Variants in LGALS4 observed in about 807,000 individuals in gnomAD.
The protein encoded by LGALS4 is galectin-4.
A neutral mutation model predicts 39.6 loss-of-function variants in LGALS4; 37 were observed. That is an observed-to-expected ratio of 0.93 (90% CI 0.72 to 1.23). The LOEUF (loss-of-function observed/expected upper bound fraction) is 1.23, where lower values mean the gene tolerates loss of function less well. Among genes scored for constraint, LGALS4 ranks in the 50% most tolerant of loss-of-function variants. The pLI is 0.00. For missense variants in LGALS4, 397 were observed against 433.2 expected (o/e 0.92, Z 0.74); for synonymous variants, 160 against 165.5 (o/e 0.97, Z 0.25).
intron 4 of LGALS4, among the ~76,000 whole-genome samples, chr19:38,805,210 T>C (rs1290887572): frequency 7.3e-6 from 1 of 137,824 alleles, no homozygotes; most frequent in Non-Finnish European, 1.6e-5. Flanking sequence ...AATAATAATA[T>C]TGATAAACTC....
Position 38,811,680 on chromosome 19 carries a change from T to C in LGALS4, c.134+751A>G, listed in dbSNP as rs201285278. 1.5e-4 allele frequency among the ~76,000 whole-genome samples: 22 copies of C among 151,054 alleles called. No individual in the cohort carries two copies. The East Asian group carries it at 4.1e-3, about 28-fold the overall frequency. On this transcript the variant is annotated intron_variant, in intron 2 of 9. Transcript: ENST00000307751. ...ATCTCTAAGGAAAAAAAAAGTCCTA[T>C]GAGGCCAATCATTATCAACGTGTTA...
chr19:38,808,585 CTG>C (rs1971450498), intron 3 of LGALS4, among the ~76,000 whole-genome samples, 157 bp downstream of exon 3: 1 of 142,662 alleles, frequency 7.0e-6, no homozygotes, highest in African/African-American at 2.6e-5. Flanking sequence ...GATCATGCCA[CTG>C]CACTCCAGCC....
At chr19:38,809,250 G>C (rs1328371465) in intron 2 of LGALS4, among the ~76,000 whole-genome samples, 1 of 144,652 alleles carries the variant, frequency 6.9e-6, no homozygotes, top group Non-Finnish European at 1.5e-5. Context: ...CGCGATCTCA[G>C]CTCACTGCAA....
At chr19:38,812,687 A>G in intron 1 of LGALS4, 155 bp downstream of exon 1, 1 of 951,104 alleles carries the variant, frequency 1.1e-6, no homozygotes. Flanking sequence ...AGACAGCCTG[A>G]GGTCAGGGTA....
intron 2 of LGALS4, among the ~76,000 whole-genome samples, chr19:38,809,173 CTTTTTTTTTTT>C (rs34677297): frequency 9.5e-6 from 1 of 104,896 alleles, no homozygotes; most frequent in Non-Finnish European, 1.9e-5. Context: ...GCCTTTCCTT[CTTTTTTTTTTT>C]TTTTTTTTTT....
At chr19:38,804,114 A>G (rs1568350342) in intron 4 of LGALS4, among the ~76,000 whole-genome samples, 1 of 151,658 alleles carries the variant, frequency 6.6e-6, no homozygotes, top group African/African-American at 2.4e-5. Flanking sequence ...CTTTAGGACA[A>G]TGCTTGGTCC....
At chr19:38,812,322 T>A in intron 2 of LGALS4, 109 bp downstream of exon 2, 2 of 858,396 alleles carry the variant, frequency 2.3e-6, no homozygotes, top group Non-Finnish European at 3.7e-6. Flanking sequence ...AGAAAAAGAG[T>A]CCCCTCTCCA....
Position 38,808,905 on chromosome 19 carries a change from C to CGTCTGAG in LGALS4, c.171_177dup (p.Val60LeufsTer12), listed in dbSNP as rs1568352338. On this transcript the variant is annotated frameshift_variant, in exon 3 of 10. Coordinates refer to ENST00000307751, the MANE Select transcript of LGALS4 (RefSeq NM_006149.4). LOFTEE classifies it high-confidence loss of function. ...AACCGCGGATTGAAGTGGAAGGCGACGTCTGAGCCCGGATCCTGCCCAACC... is the reference window on the plus strand; with the variant it reads ...AACCGCGGATTGAAGTGGAAGGCGACGTCTGAGGTCTGAGCCCGGATCCTGCCCAACC... The CGTCTGAG allele has an allele frequency of 6.2e-7, 1 of 1,613,998 alleles. No homozygotes were observed. The highest frequency in any genetic ancestry group is 1.1e-5 in the South Asian group (1 of 91,056).
intron 1 of LGALS4, 40 bp from the exon 2 acceptor site, chr19:38,812,559 G>T: frequency 6.4e-7 from 1 of 1,566,426 alleles, no homozygotes; most frequent in Non-Finnish European, 8.8e-7. Flanking sequence ...CAAGCCATCT[G>T]CCTGTTGCAG....
At chr19:38,806,685 G>A (rs1447307233) in intron 3 of LGALS4, 90 bp from the exon 4 acceptor site, 4 of 1,404,108 alleles carry the variant, frequency 2.8e-6, no homozygotes, top group South Asian at 1.2e-5. Flanking sequence ...CCTGGCTCAC[G>A]CCTCTAATCC....
At chr19:38,806,870 C>T (rs1286050254) in intron 3 of LGALS4, among the ~76,000 whole-genome samples, 1 of 152,004 alleles carries the variant, frequency 6.6e-6, no homozygotes, top group East Asian at 1.9e-4. Context: ...TCGCCTGAAC[C>T]CGGGAGGTGG....
rs376836938 is a variant in LGALS4 at position 38,809,126 on chromosome 19, A to AG, written c.135-179dup. ...CAGCGTGGAGAGGACCTGAGTTCTGAGGGGGGCAGATTCCCACCACCACAC... is the reference window on the plus strand; with the variant it reads ...CAGCGTGGAGAGGACCTGAGTTCTGAGGGGGGGCAGATTCCCACCACCACAC... On this transcript the variant is annotated intron_variant, in intron 2 of 9. Coordinates refer to ENST00000307751, the MANE Select transcript of LGALS4 (RefSeq NM_006149.4). 3.6e-3 allele frequency among the ~76,000 whole-genome samples: 517 copies of AG among 144,616 alleles called. 3 individuals carry two copies. Among genetic ancestry groups the AG allele is most frequent in the African/African-American group, 0.012 (468 of 39,602 alleles). The allele number at this position is 144,616 out of a possible 152,430, so 94.9% of individuals were successfully genotyped here. A position where few individuals can be genotyped will look rare whatever the true frequency, so the allele number is the denominator to read the frequency against.
rs750311710 is a variant in LGALS4, at chr19:38,803,901, G to A, written c.475-6C>T. On this transcript the variant is annotated splice_region_variant and splice_polypyrimidine_tract_variant and intron_variant, in intron 4 of 9. Transcript: ENST00000307751. ...GGTGGCATCATCGGGGGTCCCTGTG[G>A]GCACAGAAAGAGAAAGCGGTTATGA... 3 of 1,607,158 alleles carry A rather than the reference G, an allele frequency of 1.9e-6. No homozygotes were observed. Among genetic ancestry groups the A allele is most frequent in the Admixed American group, 3.4e-5 (2 of 58,910 alleles).
chr19:38,804,589 T>C (rs796248908), intron 4 of LGALS4, among the ~76,000 whole-genome samples: 9 of 152,288 alleles, frequency 5.9e-5, no homozygotes, highest in African/African-American at 2.2e-4. Context: ...TGTTACCTTC[T>C]CTTTTCTCCT....
chr19:38,810,834 C>T (rs1224232181), intron 2 of LGALS4, among the ~76,000 whole-genome samples: 1 of 151,942 alleles, frequency 6.6e-6, no homozygotes, highest in Admixed American at 6.6e-5. Context: ...CATACACTCC[C>T]CATCTCCCTT....
Position 38,801,770 on chromosome 19 carries a change from C to G in LGALS4, c.966G>C (p.Gln322His). The G allele has an allele frequency of 6.2e-7, 1 of 1,614,058 alleles. No homozygotes were observed. Among genetic ancestry groups the G allele is most frequent in the East Asian group, 2.2e-5 (1 of 44,892 alleles). ...TTATGGCCCCAGGAATAGATTAGAT[C>G]TGGACATAGGACAAGGTGACATCAC... is the stretch of plus-strand genomic sequence containing the variant. Reference protein sequence around the residue: ...IQGDVTLSYVQI With the variant: ...IQGDVTLSYVHI Residue 322 changes from glutamine (Q) to histidine (H), a missense_variant, in exon 10 of 10, where the codon CAG (glutamine) becomes CAC (histidine). By Grantham distance (24) the Gln-to-His change is conservative. Transcript: ENST00000307751.
At position 38,803,385 on chromosome 19, in the gene LGALS4, C is replaced by T. The variant is rs1971383827; in HGVS notation, c.570+137G>A. On this transcript the variant is annotated intron_variant, in intron 7 of 9. Coordinates refer to ENST00000307751, the MANE Select transcript of LGALS4 (RefSeq NM_006149.4). ...TCCCCAATTCCTTCTGCTCCCTAAA[C>T]CTGACCACGAACTCTATCTACCCTT... 3 of 845,660 alleles carry T rather than the reference C, an allele frequency of 3.5e-6. No individual in the cohort carries two copies. In the East Asian group the frequency reaches 7.6e-5, roughly 21 times the overall value. The allele number at this position is 845,660 out of a possible 1,614,324, so 52.4% of individuals were successfully genotyped here.
At chr19:38,808,713 G>C in intron 3 of LGALS4, 31 bp downstream of exon 3, 1 of 1,587,570 alleles carries the variant, frequency 6.3e-7, no homozygotes, top group Non-Finnish European at 8.6e-7. Context: ...CTGCACTCCA[G>C]CTTGGGAAAC....
intron 4 of LGALS4, 27 bp downstream of exon 4, chr19:38,806,434 C>T (rs781669393): frequency 2.1e-5 from 34 of 1,602,290 alleles, no homozygotes; most frequent in South Asian, 2.0e-4. Context: ...AAAGAAAGGA[C>T]GCAAGAAGGG....
Sources: allele counts gnomAD v4.1 joint callset (sites outside exome capture counted in the v4.1 genomes callset), GRCh38; gene constraint gnomAD v4.1.1; transcripts MANE v1.5; gene names NCBI Gene and HGNC (gene_info 2026-07-23, HGNC 2026-07-21).